The following USP43 variants were observed in gnomAD, a reference collection of about 807,000 sequenced individuals.
USP43 encodes the protein ubiquitin specific peptidase 43.
In USP43, 33 loss-of-function variants were observed where a neutral mutation model predicts 90.7. The observed-to-expected ratio is 0.36, with a 90% CI of 0.28 to 0.49. The LOEUF is 0.49. Among genes scored for constraint, USP43 ranks in the 20% least tolerant of loss-of-function variants. USP43 has a pLI of 0.98. For synonymous variants in USP43, 598 were observed against 615.8 expected (o/e 0.97, Z 0.43); for missense variants, 1,274 against 1,476.4 (o/e 0.86, Z 2.25).
Position 9,682,877 on chromosome 17 carries a change from G to T in USP43, c.1160G>T (p.Arg387Leu). ...SPRLAAREGQRFSLSLHSESK... is the reference protein window; with the variant it reads ...SPRLAAREGQLFSLSLHSESK... ...CGCCTGGCAGCCCGTGAGGGCCAGC[G>T]ATTCTCCCTCTCTCTCCACAGTGAG... The change falls in exon 7 of 15, where the codon CGA (arginine) becomes CTA (leucine). Residue 387 changes from arginine to leucine, a missense_variant. Around this residue, in one of 6 missense-constraint regions of USP43, gnomAD observed 253 missense variants for 276.0 expected, o/e 0.92. Transcript: ENST00000285199. 2 of 1,614,016 alleles carry T rather than the reference G, an allele frequency of 1.2e-6. No individual in the cohort carries two copies. Among genetic ancestry groups the T allele is most frequent in the South Asian group, 1.1e-5 (1 of 91,084 alleles).
chr17:9,723,941 G>GT (rs1477146570), intron 14 of USP43, among the ~76,000 whole-genome samples: 2 of 151,978 alleles, frequency 1.3e-5, no homozygotes, highest in African/African-American at 2.4e-5. Flanking sequence ...GGTCAGTCAC[G>GT]TTTTTCAGTC....
chr17:9,650,998 G>A (rs749729903), intron 1 of USP43, among the ~76,000 whole-genome samples: 58 of 151,926 alleles, frequency 3.8e-4, no homozygotes, highest in Admixed American at 6.6e-4. Context: ...CCTTCCCCTC[G>A]AGTCACCAAA....
In USP43 at chr17:9,693,360, A is replaced by C. The variant is rs1220365802; in HGVS notation, c.1457+130A>C. ...CTTGATCACTTACCTCTCCAGTACCAGCCGCTATGTTAGGTCATTGGGCAT... is the reference window on the plus strand; with the variant it reads ...CTTGATCACTTACCTCTCCAGTACCCGCCGCTATGTTAGGTCATTGGGCAT... On this transcript the variant is annotated intron_variant, in intron 9 of 14. Transcript: ENST00000285199. 11 of 747,810 alleles carry C rather than the reference A, an allele frequency of 1.5e-5. No individual in the cohort carries two copies. In the Admixed American group the frequency reaches 2.7e-4, roughly 18 times the overall value. The allele number at this position is 747,810 out of a possible 1,614,324, so 46.3% of individuals were successfully genotyped here.
chr17:9,703,837 C>T (rs1009654013), intron 12 of USP43, among the ~76,000 whole-genome samples: 1 of 152,196 alleles, frequency 6.6e-6, no homozygotes, highest in African/African-American at 2.4e-5. Flanking sequence ...TGAGTGATTC[C>T]TGATATGAAC....
intron 14 of USP43, among the ~76,000 whole-genome samples, chr17:9,718,095 C>T (rs978896574): frequency 2.0e-5 from 3 of 151,782 alleles, no homozygotes; most frequent in Non-Finnish European, 2.9e-5. Flanking sequence ...CGCGCCCAGC[C>T]GTAGCTCACA....
chr17:9,717,908 T>A (rs1057332887), intron 14 of USP43, among the ~76,000 whole-genome samples: 17 of 152,006 alleles, frequency 1.1e-4, no homozygotes, highest in Non-Finnish European at 1.8e-4. Flanking sequence ...GCGATTCTCC[T>A]GCCTCAGACT....
chr17:9,723,809 A>G (rs1401407669), intron 14 of USP43, among the ~76,000 whole-genome samples: 7 of 151,772 alleles, frequency 4.6e-5, no homozygotes, highest in African/African-American at 9.7e-5. Context: ...GGGTTTCACC[A>G]TGTTGGTCAG....
intron 14 of USP43, among the ~76,000 whole-genome samples, chr17:9,715,675 G>C (rs961227726): frequency 4.7e-5 from 7 of 149,296 alleles, no homozygotes; most frequent in African/African-American, 1.2e-4. Flanking sequence ...GCCTGTGTGT[G>C]TGTCTGTGTG....
intron 10 of USP43, 116 bp downstream of exon 10, chr17:9,700,365 G>A: frequency 1.0e-6 from 1 of 989,544 alleles, no homozygotes; most frequent in Non-Finnish European, 1.5e-6. Flanking sequence ...ACATCTTTGA[G>A]CCAGTGTAAC....
intron 4 of USP43, among the ~76,000 whole-genome samples, chr17:9,675,528 T>G (rs1223966399): frequency 6.6e-6 from 1 of 152,028 alleles, no homozygotes; most frequent in East Asian, 1.9e-4. Flanking sequence ...GGAAGGCAAA[T>G]GGCCAATGTC....
chr17:9,648,470 A>C (rs77837830), intron 1 of USP43, among the ~76,000 whole-genome samples: 1,699 of 152,356 alleles, frequency 0.011, 36 homozygotes, highest in African/African-American at 0.039. Context: ...TAATGAAATA[A>C]TCACACAGGC....
chr17:9,659,229 G>A (rs10521159), intron 2 of USP43, among the ~76,000 whole-genome samples: 21,158 of 152,188 alleles, frequency 0.14, 1,717 homozygotes, highest in East Asian at 0.32. Context: ...TCGAATGTTT[G>A]TTATGTGCCA....
intron 2 of USP43, among the ~76,000 whole-genome samples, chr17:9,664,975 G>A (rs530517357): frequency 5.9e-5 from 9 of 152,140 alleles, no homozygotes; most frequent in African/African-American, 1.4e-4. Flanking sequence ...ACTAAATAGC[G>A]TTATATTATG....
chr17:9,667,518 G>A (rs575318328), intron 3 of USP43, among the ~76,000 whole-genome samples: 108 of 152,328 alleles, frequency 7.1e-4, no homozygotes, highest in Non-Finnish European at 1.2e-3. Flanking sequence ...AGGCAGAATC[G>A]TTTCAATATT....
At chr17:9,657,381 C>T (rs1912333648) in intron 2 of USP43, among the ~76,000 whole-genome samples, 1 of 151,898 alleles carries the variant, frequency 6.6e-6, no homozygotes, top group South Asian at 2.1e-4. Context: ...GTGGCATGCT[C>T]CTGTAATCTC....
chr17:9,728,416 T>C lies in USP43; in HGVS notation c.2798T>C (p.Leu933Pro). The change falls in exon 15 of 15, where the codon CTC (leucine) becomes CCC (proline). Residue 933 changes from leucine to proline, a missense_variant. Leu to Pro is a moderately conservative substitution (Grantham distance 98, BLOSUM62 -3). Transcript: ENST00000285199. This position sits in a 1 kb window ranked among gnomAD's most constrained non-coding sequence, Gnocchi z 6.2. Reference sequence around the variant, plus strand: ...CTTCCCAGAAAGTTTGACCTGCCTCTCACTGTGATGCCTTCAGTGGAGCAT... The same window carrying C: ...CTTCCCAGAAAGTTTGACCTGCCTCCCACTGTGATGCCTTCAGTGGAGCAT... ...IKLPRKFDLP[L>P]TVMPSVEHEK... 6.2e-7 allele frequency: 1 copy of C among 1,610,464 alleles called. No homozygotes were observed. The highest frequency in any genetic ancestry group is 8.5e-7 in the Non-Finnish European group (1 of 1,178,406).
intron 1 of USP43, chr17:9,647,200 C>G (rs575895814): frequency 6.6e-6 from 1 of 152,228 alleles, no homozygotes; most frequent in East Asian, 1.9e-4. Context: ...GTTCATTCCA[C>G]AAGCATCACC....
intron 14 of USP43, among the ~76,000 whole-genome samples, chr17:9,714,593 G>A (rs1306129456): frequency 1.3e-5 from 2 of 150,270 alleles, no homozygotes; most frequent in Admixed American, 6.7e-5. Context: ...TGAGGCAGGG[G>A]AATCGCTTGA....
chr17:9,715,944 T>G (rs1164265159), intron 14 of USP43, among the ~76,000 whole-genome samples: 1 of 151,606 alleles, frequency 6.6e-6, no homozygotes, highest in Non-Finnish European at 1.5e-5. Context: ...TGTTTCTGTG[T>G]GTCTATGTGT....
Sources: allele counts gnomAD v4.1 joint callset (sites outside exome capture counted in the v4.1 genomes callset), GRCh38; gene constraint gnomAD v4.1.1; regional missense constraint gnomAD v4.1.1; non-coding constraint Gnocchi (gnomAD v3.1); transcripts MANE v1.5; gene names NCBI Gene and HGNC (gene_info 2026-07-23, HGNC 2026-07-21).